The following ZNF716 variants were observed in gnomAD, a reference collection of about 807,000 sequenced individuals.
ZNF716 encodes the protein zinc finger protein 716.
In ZNF716, 9 loss-of-function variants were observed where a neutral mutation model predicts 13.4. The ratio of observed to expected loss-of-function variants is 0.67; its 90% CI spans 0.41 to 1.18. The LOEUF is 1.18. ZNF716 is among the 50% of genes most tolerant of loss of function. The pLI is 0.01. For missense variants in ZNF716, 581 were observed against 576.6 expected (o/e 1.01, Z -0.08); for synonymous variants, 186 against 195.2 (o/e 0.95, Z 0.39).
At chr7:57,451,132 G>A (rs982425085) in intron 1 of ZNF716, among the ~76,000 whole-genome samples, 4 of 151,674 alleles carry the variant, frequency 2.6e-5, no homozygotes, top group African/African-American at 4.8e-5. Flanking sequence ...CGATTCTCCC[G>A]CCTCAGGCTG....
In ZNF716 at chr7:57,472,820, A is replaced by G. The variant is rs1789969779; in HGVS notation, c.*2871A>G. On this transcript the variant is annotated 3_prime_UTR_variant, in exon 4 of 4. Transcript: ENST00000420713. Reference sequence around the variant, plus strand: ...TGAAGAATTTTGTTCCCATAGGACAAATTTGTACTTTTTTACCTTATTTAA... The same window carrying G: ...TGAAGAATTTTGTTCCCATAGGACAGATTTGTACTTTTTTACCTTATTTAA... 6.6e-6 allele frequency: 1 copy of G among 152,068 alleles called. No individual in the cohort carries two copies. The highest frequency in any genetic ancestry group is 2.1e-4 in the South Asian group (1 of 4,822). The allele number at this position is 152,068 out of a possible 1,614,324, so 9.4% of individuals were successfully genotyped here.
chr7:57,451,959 G>A (rs987310926), intron 1 of ZNF716, among the ~76,000 whole-genome samples: 2 of 151,566 alleles, frequency 1.3e-5, no homozygotes, highest in African/African-American at 4.9e-5. Context: ...TAGAGATGGG[G>A]TTTCACCATT....
intron 1 of ZNF716, among the ~76,000 whole-genome samples, chr7:57,460,536 A>T (rs1789689502): frequency 6.6e-6 from 1 of 152,042 alleles, no homozygotes; most frequent in African/African-American, 2.4e-5. Context: ...TATGATAGTC[A>T]AGGGGTTCTG....
At position 57,467,474 on chromosome 7, in the gene ZNF716, G is replaced by A. The variant is rs112766138; in HGVS notation, c.263-1250G>A. Among the ~76,000 whole-genome samples the A allele has an allele frequency of 3.6e-3, 549 of 152,068 alleles. 3 individuals carry two copies. The highest frequency in any genetic ancestry group is 0.01 in the African/African-American group (426 of 41,494). On this transcript the variant is annotated intron_variant, in intron 3 of 3. Transcript: ENST00000420713. The stretch of plus-strand genomic sequence containing the variant: ...TTATTTTTTGTTTATTTTGTAGTAC[G>A]TGTTTGCTGGTTATATTATTCTCAC...
intron 3 of ZNF716, among the ~76,000 whole-genome samples, chr7:57,465,540 C>T (rs1242449498): frequency 2.6e-5 from 4 of 152,012 alleles, no homozygotes; most frequent in Non-Finnish European, 5.9e-5. Flanking sequence ...TTTGTAAAGA[C>T]GGTCTCACTG....
rs560372164 is a variant in ZNF716, at chr7:57,471,709, T to TA, written c.*1767dup. On this transcript the variant is annotated 3_prime_UTR_variant, in exon 4 of 4. Transcript: ENST00000420713. ...CAGTTTAGAAAACACTAGTTTATAC[T>TA]AAAAAAATATTTTTGCAGATGCAGT... 6.6e-6 allele frequency: 1 copy of TA among 152,200 alleles called. No individual in the cohort carries two copies. The highest frequency in any genetic ancestry group is 3.4e-3 in the Middle Eastern group (1 of 294). The allele number at this position is 152,200 out of a possible 1,614,324, so 9.4% of individuals were successfully genotyped here.
At chr7:57,465,736 A>G (rs1176745579) in intron 3 of ZNF716, among the ~76,000 whole-genome samples, 1 of 152,178 alleles carries the variant, frequency 6.6e-6, no homozygotes, top group Admixed American at 6.5e-5. Context: ...ATGCACACGT[A>G]TGTTTATTGC....
chr7:57,457,791 G>T (rs782729836), intron 1 of ZNF716, among the ~76,000 whole-genome samples: 15 of 152,100 alleles, frequency 9.9e-5, no homozygotes, highest in Non-Finnish European at 2.1e-4. Flanking sequence ...TTGTTTTCTG[G>T]TTTTCTTCAT....
Position 57,450,221 on chromosome 7 carries a change from G to T in ZNF716, c.-68G>T. On this transcript the variant is annotated 5_prime_UTR_variant, in exon 1 of 4. Coordinates refer to ENST00000420713, the MANE Select transcript of ZNF716 (RefSeq NM_001159279.1). Reference sequence around the variant, plus strand: ...CAGAGCTCCAGTCCTTCTCTTCACTGCTCTGCGTCCTCTGCTCCTGGAGGC... The same window carrying T: ...CAGAGCTCCAGTCCTTCTCTTCACTTCTCTGCGTCCTCTGCTCCTGGAGGC... 1.2e-6 allele frequency: 2 copies of T among 1,609,100 alleles called. No homozygotes were observed. Among genetic ancestry groups the T allele is most frequent in the South Asian group, 2.2e-5 (2 of 90,736 alleles).
chr7:57,472,728 A>C lies in ZNF716; in HGVS notation c.*2779A>C, dbSNP rs1789966730. The C allele has an allele frequency of 6.6e-6, 1 of 152,226 alleles. No individual in the cohort carries two copies. The highest frequency in any genetic ancestry group is 2.4e-5 in the African/African-American group (1 of 41,444). The allele number at this position is 152,226 out of a possible 1,614,324, so 9.4% of individuals were successfully genotyped here. ...GTGATACACCCACCTCGGTGTACCG[A>C]AGTGCTGGGATTACAGGCATGAGCC... On this transcript the variant is annotated 3_prime_UTR_variant, in exon 4 of 4. Coordinates refer to ENST00000420713, the MANE Select transcript of ZNF716 (RefSeq NM_001159279.1).
rs781920360 is a variant in ZNF716 at position 57,468,795 on chromosome 7, C to A, written c.334C>A (p.Leu112Met). 5 of 1,613,516 alleles carry A rather than the reference C, an allele frequency of 3.1e-6. No individual in the cohort carries two copies. The African/African-American group carries it at 6.7e-5, about 22-fold the overall frequency. The change falls in exon 4 of 4, where the codon CTG (leucine) becomes ATG (methionine). Residue 112 changes from leucine to methionine, a missense_variant. Transcript: ENST00000420713. ...GIKDSLQKVI[L>M]RRYGKCGQED... ...AAAAGATTCACTCCAAAAAGTGATA[C>A]TGAGAAGATATGGAAAATGTGGACA...
At chr7:57,455,936 TTTTG>T (rs1726042815) in intron 1 of ZNF716, among the ~76,000 whole-genome samples, 1 of 151,418 alleles carries the variant, frequency 6.6e-6, no homozygotes, top group Admixed American at 6.6e-5. Flanking sequence ...GCATGGTTTT[TTTTG>T]TTTTTTTGTT....
rs188097297 is a variant in ZNF716, at chr7:57,458,526, G to A, written c.40-3934G>A. Among the ~76,000 whole-genome samples the A allele has an allele frequency of 2.0e-4, 31 of 151,788 alleles. 1 individual carries two copies. The highest frequency in any genetic ancestry group is 7.8e-4 in the East Asian group (4 of 5,144). ...CAACCTCTGCCTTCCAGATTAAAGCGATTCTTTTGCCTCAGCCTCCCGAAT... is the reference window on the plus strand; with the variant it reads ...CAACCTCTGCCTTCCAGATTAAAGCAATTCTTTTGCCTCAGCCTCCCGAAT... On this transcript the variant is annotated intron_variant, in intron 1 of 3. Coordinates refer to ENST00000420713, the MANE Select transcript of ZNF716 (RefSeq NM_001159279.1).
chr7:57,454,197 G>T (rs1583714983), intron 1 of ZNF716, among the ~76,000 whole-genome samples: 1 of 152,122 alleles, frequency 6.6e-6, no homozygotes, highest in Non-Finnish European at 1.5e-5. Context: ...CCTTCTAGAA[G>T]TTTGTTCATA....
chr7:57,464,309 T>G (rs1434964846), intron 3 of ZNF716, among the ~76,000 whole-genome samples: 3 of 151,796 alleles, frequency 2.0e-5, no homozygotes, highest in Non-Finnish European at 2.9e-5. Context: ...TTTGTAGAGA[T>G]GGAGTTTCGC....
chr7:57,472,111 A>G lies in ZNF716; in HGVS notation c.*2162A>G, dbSNP rs1304215550. On this transcript the variant is annotated 3_prime_UTR_variant, in exon 4 of 4. Coordinates refer to ENST00000420713, the MANE Select transcript of ZNF716 (RefSeq NM_001159279.1). ...GTGTCCATTATTCATGAACTTTCCT[A>G]TGGATGAGTAAGGACATTAAGTTGT... is the stretch of plus-strand genomic sequence containing the variant. The G allele has an allele frequency of 1.3e-5, 2 of 152,176 alleles. No individual in the cohort carries two copies. Among genetic ancestry groups the G allele is most frequent in the Admixed American group, 1.3e-4 (2 of 15,266 alleles). 9.4% of individuals were successfully genotyped at this position (152,176 alleles called of 1,614,324 possible).
At chr7:57,452,499 G>A (rs142942127) in intron 1 of ZNF716, among the ~76,000 whole-genome samples, 2,999 of 151,916 alleles carry the variant, frequency 0.02, 37 homozygotes, top group Admixed American at 0.029. Flanking sequence ...ATAACCGGGC[G>A]TGGTGGTGAG....
rs574417698 is a variant in ZNF716 at position 57,450,177 on chromosome 7, C to A, written c.-112C>A. 1 of 1,514,262 alleles carries A rather than the reference C, an allele frequency of 6.6e-7. No individual in the cohort carries two copies. The highest frequency in any genetic ancestry group is 9.0e-7 in the Non-Finnish European group (1 of 1,106,874). 93.8% of individuals were successfully genotyped at this position (1,514,262 alleles called of 1,614,324 possible). A position where few individuals can be genotyped will look rare whatever the true frequency, so the allele number is the denominator to read the frequency against. On this transcript the variant is annotated 5_prime_UTR_variant, in exon 1 of 4. Transcript: ENST00000420713. The stretch of plus-strand genomic sequence containing the variant: ...GGACGCTTCCGTAAGGTTACGGGTT[C>A]TTTTTGCTTCTCTGCGCCCAGAGCT...
intron 3 of ZNF716, among the ~76,000 whole-genome samples, chr7:57,464,055 T>C (rs1789758994): frequency 6.6e-6 from 1 of 152,116 alleles, no homozygotes. Context: ...ACCTTTCAAA[T>C]AGTTCTTCCC....
Sources: gnomAD v4.1 joint callset for allele counts (sites outside exome capture counted in the v4.1 genomes callset) on GRCh38, gnomAD v4.1.1 for gene constraint, MANE v1.5 for transcripts, NCBI Gene and HGNC (gene_info 2026-07-23, HGNC 2026-07-21) for gene names.